Variants in MAP4K4 observed in about 807,000 individuals in gnomAD.
The protein encoded by MAP4K4 is mitogen-activated protein kinase kinase kinase kinase 4.
A neutral mutation model predicts 189.6 loss-of-function variants in MAP4K4; 38 were observed. The ratio of observed to expected loss-of-function variants is 0.20; its 90% CI spans 0.15 to 0.26. MAP4K4 has a LOEUF of 0.26. Among genes scored for constraint, MAP4K4 ranks in the 10% least tolerant of loss-of-function variants. The pLI is 1.00. For synonymous variants in MAP4K4, 610 were observed against 624.3 expected, an observed-to-expected ratio of 0.98 and a Z score of 0.34; for missense variants, 1,054 against 1,726.9, an observed-to-expected ratio of 0.61 and a Z score of 6.91.
intron 2 of MAP4K4, among the ~76,000 whole-genome samples, chr2:101,752,995 T>G (rs1028596551): frequency 6.6e-6 from 1 of 152,222 alleles, no homozygotes; most frequent in Non-Finnish European, 1.5e-5. Flanking sequence ...CTGTGTTTAT[T>G]GCACAGTAAA....
chr2:101,865,634 T>C (rs200578476), intron 18 of MAP4K4, among the ~76,000 whole-genome samples: 1 of 152,234 alleles, frequency 6.6e-6, no homozygotes, highest in Non-Finnish European at 1.5e-5. Flanking sequence ...CTAGTGGCTA[T>C]GATATTATCC....
intron 2 of MAP4K4, among the ~76,000 whole-genome samples, chr2:101,770,904 A>G (rs2081117922): frequency 6.6e-6 from 1 of 152,256 alleles, no homozygotes; most frequent in South Asian, 2.1e-4. Flanking sequence ...GGTTCACACA[A>G]ATAGCCCCAC....
chr2:101,803,190 G>T (rs529198493), intron 3 of MAP4K4, among the ~76,000 whole-genome samples: 10 of 151,952 alleles, frequency 6.6e-5, no homozygotes, highest in Admixed American at 5.2e-4. Flanking sequence ...TTCTTTTTAT[G>T]TAAAAAACCC....
At position 101,842,537 on chromosome 2, in the gene MAP4K4, C is replaced by T. The variant is rs370349212; in HGVS notation, c.950-72C>T. 9.4e-6 allele frequency: 10 copies of T among 1,064,130 alleles called. No individual in the cohort carries two copies. In the African/African-American group the frequency reaches 1.4e-4, roughly 15 times the overall value. 65.9% of individuals were successfully genotyped at this position (1,064,130 alleles called of 1,614,324 possible). A position where few individuals can be genotyped will look rare whatever the true frequency, so the allele number is the denominator to read the frequency against. Reference sequence around the variant, plus strand: ...TTTATTTTCTGCCAAGGTGCTCCTGCAGATGCTTGTCTGAACAGGCGTGTG... The same window carrying T: ...TTTATTTTCTGCCAAGGTGCTCCTGTAGATGCTTGTCTGAACAGGCGTGTG... On this transcript the variant is annotated intron_variant, in intron 10 of 32. Coordinates refer to ENST00000324219, the Ensembl canonical transcript of MAP4K4.
intron 27 of MAP4K4, among the ~76,000 whole-genome samples, chr2:101,879,148 T>C (rs978484841): frequency 8.0e-6 from 1 of 124,986 alleles, no homozygotes; most frequent in African/African-American, 3.2e-5. Context: ...TGAGCTGTGA[T>C]AGCACCACTG....
rs539897860 is a variant in MAP4K4, at chr2:101,760,272, C to T, written c.124-30448C>T. On this transcript the variant is annotated intron_variant, in intron 2 of 32. Coordinates refer to ENST00000324219, the Ensembl canonical transcript of MAP4K4. Reference sequence around the variant, plus strand: ...TTAGGAGGCCAAGGCAGGAGGATCACGAGGTCAAGAGATTGAGACCGTCTT... The same window carrying T: ...TTAGGAGGCCAAGGCAGGAGGATCATGAGGTCAAGAGATTGAGACCGTCTT... Among the ~76,000 whole-genome samples, 190 of 151,962 alleles carry T rather than the reference C, an allele frequency of 1.3e-3. 1 individual carries two copies. In the Middle Eastern group the frequency reaches 0.014, roughly 11 times the overall value.
chr2:101,763,920 G>A (rs1329514948), intron 2 of MAP4K4, among the ~76,000 whole-genome samples: 1 of 152,114 alleles, frequency 6.6e-6, no homozygotes, highest in African/African-American at 2.4e-5. Flanking sequence ...CTGGAGAGGG[G>A]GCTGGAGAGG....
intron 2 of MAP4K4, among the ~76,000 whole-genome samples, chr2:101,765,447 A>C (rs1428028641): frequency 6.6e-6 from 1 of 152,166 alleles, no homozygotes; most frequent in Non-Finnish European, 1.5e-5. Context: ...CCCTTGCCTC[A>C]GCCTCCCAAG....
chr2:101,857,733 T>C (rs370843352), intron 13 of MAP4K4, among the ~76,000 whole-genome samples: 1 of 151,960 alleles, frequency 6.6e-6, no homozygotes. Flanking sequence ...ACCCCCCCAG[T>C]TGGCTTTTTT....
chr2:101,733,783 G>A (rs945773629), intron 2 of MAP4K4, among the ~76,000 whole-genome samples: 3 of 152,206 alleles, frequency 2.0e-5, no homozygotes, highest in African/African-American at 7.2e-5. Context: ...TGGCTCCAGG[G>A]CAGCTGTTCT....
intron 2 of MAP4K4, among the ~76,000 whole-genome samples, chr2:101,756,494 A>ACTGGAAT (rs1232542958): frequency 6.6e-6 from 1 of 152,128 alleles, no homozygotes; most frequent in African/African-American, 2.4e-5. Context: ...TAGTGACAGG[A>ACTGGAAT]CTGGAATCTG....
intron 2 of MAP4K4, among the ~76,000 whole-genome samples, chr2:101,715,894 C>T (rs1390258210): frequency 1.3e-5 from 2 of 152,152 alleles, no homozygotes; most frequent in African/African-American, 4.8e-5. Context: ...CTGAGCTCCA[C>T]CTCCTGTCAG....
chr2:101,782,065 TC>T (rs1212275402), intron 2 of MAP4K4, among the ~76,000 whole-genome samples: 1 of 152,196 alleles, frequency 6.6e-6, no homozygotes, highest in Non-Finnish European at 1.5e-5. Context: ...TAATTAGTGA[TC>T]ATAATGATTT....
intron 2 of MAP4K4, among the ~76,000 whole-genome samples, chr2:101,718,084 C>G (rs2049447847): frequency 6.6e-6 from 1 of 151,988 alleles, no homozygotes; most frequent in South Asian, 2.1e-4. Flanking sequence ...TGGAGAAACC[C>G]CATCTCTACT....
At position 101,709,924 on chromosome 2, in the gene MAP4K4, ATTAAG is replaced by A. The variant is rs570670755; in HGVS notation, c.123+11393_123+11397del. Among the ~76,000 whole-genome samples the A allele has an allele frequency of 1.8e-4, 27 of 152,304 alleles. 1 individual carries two copies. Among genetic ancestry groups the A allele is most frequent in the Admixed American group, 8.5e-4 (13 of 15,286 alleles). ...CCTTACTGCATTCAGATTACATAAA[ATTAAG>A]TTAAGTAATAGTTTATTTTTTGAAA... On this transcript the variant is annotated intron_variant, in intron 2 of 32. Transcript: ENST00000324219.
At chr2:101,725,345 A>G (rs1225113958) in intron 2 of MAP4K4, among the ~76,000 whole-genome samples, 5 of 146,946 alleles carry the variant, frequency 3.4e-5, no homozygotes, top group Admixed American at 2.1e-4. Context: ...TCTAATGTCT[A>G]CTTTTGTTGT....
intron 27 of MAP4K4, among the ~76,000 whole-genome samples, chr2:101,879,728 A>C (rs895556357): frequency 6.6e-6 from 1 of 152,092 alleles, no homozygotes; most frequent in Non-Finnish European, 1.5e-5. Flanking sequence ...CTGCCCCCAG[A>C]GGCAAGCACT....
At chr2:101,824,366 CT>C (rs2096259155) in intron 4 of MAP4K4, among the ~76,000 whole-genome samples, 1 of 152,092 alleles carries the variant, frequency 6.6e-6, no homozygotes. Flanking sequence ...ACAATAAAAA[CT>C]TTATTTATGG....
chr2:101,874,277 C>G, intron 26 of MAP4K4, 25 bp downstream of exon 26: 1 of 1,586,456 alleles, frequency 6.3e-7, no homozygotes. Context: ...ACTACTCCAA[C>G]ACTTTCATTT....
Sources: gnomAD v4.1 joint callset for allele counts (sites outside exome capture counted in the v4.1 genomes callset) on GRCh38, gnomAD v4.1.1 for gene constraint, MANE v1.5 for transcripts, NCBI Gene and HGNC (gene_info 2026-07-23, HGNC 2026-07-21) for gene names.